Variants in SDC2 observed in about 807,000 individuals in gnomAD.
SDC2 encodes the protein syndecan-2.
Under a neutral mutation model 22.2 loss-of-function variants are expected in SDC2, and 13 were observed. The ratio of observed to expected loss-of-function variants is 0.59; its 90% CI spans 0.38 to 0.93. The LOEUF (loss-of-function observed/expected upper bound fraction) is 0.93. Among genes scored for constraint, SDC2 ranks in the 40% least tolerant of loss-of-function variants. SDC2 has a pLI of 0.00. For missense variants in SDC2, 235 were observed against 246.8 expected (o/e 0.95, Z 0.32); for synonymous variants, 94 against 92.8 (o/e 1.01, Z -0.07).
intron 1 of SDC2, among the ~76,000 whole-genome samples, chr8:96,498,197 G>T (rs1813103673): frequency 6.6e-6 from 1 of 152,092 alleles, no homozygotes; most frequent in South Asian, 2.1e-4. Context: ...ATACCTACTA[G>T]GTGCTTGAGG....
intron 1 of SDC2, among the ~76,000 whole-genome samples, chr8:96,554,155 G>A (rs1459888890): frequency 6.6e-6 from 1 of 152,080 alleles, no homozygotes; most frequent in Non-Finnish European, 1.5e-5. Flanking sequence ...GTATAATAAA[G>A]TAATTGATAA....
At chr8:96,538,943 A>C (rs914209922) in intron 1 of SDC2, 1 of 152,244 alleles carries the variant, frequency 6.6e-6, no homozygotes, top group Non-Finnish European at 1.5e-5. Flanking sequence ...AAGTCTTAGG[A>C]AAGGCAGTAA....
At chr8:96,514,009 A>G (rs920536667) in intron 1 of SDC2, among the ~76,000 whole-genome samples, 5 of 152,180 alleles carry the variant, frequency 3.3e-5, no homozygotes, top group Non-Finnish European at 7.4e-5. Flanking sequence ...AACTTAAACT[A>G]TATTTTATTT....
intron 1 of SDC2, among the ~76,000 whole-genome samples, chr8:96,521,708 G>A (rs1287462195): frequency 5.3e-5 from 8 of 152,174 alleles, no homozygotes; most frequent in Non-Finnish European, 1.2e-4. Context: ...CTTTGCGGTT[G>A]TAACAAGATC....
intron 1 of SDC2, among the ~76,000 whole-genome samples, chr8:96,505,732 G>A (rs550960103): frequency 6.6e-6 from 1 of 152,282 alleles, no homozygotes; most frequent in South Asian, 2.1e-4. Flanking sequence ...ATTTGATTAG[G>A]TATTGTGATT....
chr8:96,573,617 T>C (rs1007337015), intron 1 of SDC2, among the ~76,000 whole-genome samples: 3 of 152,100 alleles, frequency 2.0e-5, no homozygotes, highest in Admixed American at 6.5e-5. Flanking sequence ...TGGCAAGACC[T>C]GTAGATTTTA....
chr8:96,494,220 C>T lies in SDC2; in HGVS notation c.-52C>T, dbSNP rs1813009927. ...GCGCCGAGCGCTGGGCAGGAGGCTT[C>T]GTTTTGCCCTGGTTGCAAGCAGCGG... is the stretch of plus-strand genomic sequence containing the variant. On this transcript the variant is annotated 5_prime_UTR_variant, in exon 1 of 5. Transcript: ENST00000302190. 4.6e-6 allele frequency: 7 copies of T among 1,525,086 alleles called. No homozygotes were observed. Among genetic ancestry groups the T allele is most frequent in the East Asian group, 2.5e-5 (1 of 40,640 alleles). The allele number at this position is 1,525,086 out of a possible 1,614,324, so 94.5% of individuals were successfully genotyped here. A position where few individuals can be genotyped will look rare whatever the true frequency, so the allele number is the denominator to read the frequency against.
At chr8:96,540,106 T>C (rs530520884) in intron 1 of SDC2, among the ~76,000 whole-genome samples, 202 of 151,836 alleles carry the variant, frequency 1.3e-3, no homozygotes, top group Non-Finnish European at 1.8e-3. Context: ...ATGAAAATCA[T>C]CTATGATTAT....
intron 1 of SDC2, among the ~76,000 whole-genome samples, chr8:96,523,604 G>C (rs995211653): frequency 3.3e-5 from 5 of 152,184 alleles, no homozygotes; most frequent in Non-Finnish European, 7.3e-5. Flanking sequence ...GGAGGTGGCT[G>C]TGGGACTGCT....
In SDC2 at chr8:96,494,229, C is replaced by T. The variant is rs374632641; in HGVS notation, c.-43C>T. On this transcript the variant is annotated 5_prime_UTR_variant, in exon 1 of 5. Transcript: ENST00000302190. ...GCTGGGCAGGAGGCTTCGTTTTGCC[C>T]TGGTTGCAAGCAGCGGCTGGGAGCA... 5.0e-5 allele frequency: 77 copies of T among 1,536,864 alleles called. No homozygotes were observed. The highest frequency in any genetic ancestry group is 3.5e-4 in the Middle Eastern group (2 of 5,778).
intron 1 of SDC2, among the ~76,000 whole-genome samples, chr8:96,524,487 A>C (rs948526105): frequency 2.6e-5 from 4 of 152,158 alleles, no homozygotes; most frequent in Non-Finnish European, 5.9e-5. Flanking sequence ...GTCAGAACTA[A>C]TTTCAGTTAT....
intron 1 of SDC2, 88 bp from the exon 2 acceptor site, chr8:96,593,392 T>C: frequency 1.2e-6 from 1 of 806,222 alleles, no homozygotes; most frequent in East Asian, 2.6e-5. Context: ...GGAGGGGTAG[T>C]CACTGCAGTA....
chr8:96,544,772 C>CT (rs1372705888), intron 1 of SDC2, among the ~76,000 whole-genome samples: 7 of 152,142 alleles, frequency 4.6e-5, no homozygotes, highest in Non-Finnish European at 1.0e-4. Context: ...TACACCCACT[C>CT]ATAAGATATG....
intron 1 of SDC2, among the ~76,000 whole-genome samples, chr8:96,530,627 C>CTT (rs1197330127): frequency 6.6e-6 from 1 of 152,138 alleles, no homozygotes; most frequent in African/African-American, 2.4e-5. Context: ...GAGTAAAACT[C>CTT]TGTCTAAAAC....
intron 1 of SDC2, among the ~76,000 whole-genome samples, chr8:96,580,048 CT>C (rs1253173533): frequency 6.6e-6 from 1 of 152,146 alleles, no homozygotes; most frequent in Non-Finnish European, 1.5e-5. Flanking sequence ...AAAGAACAAT[CT>C]GTATTAAAAA....
At chr8:96,525,790 A>T (rs535944390) in intron 1 of SDC2, among the ~76,000 whole-genome samples, 25 of 152,290 alleles carry the variant, frequency 1.6e-4, no homozygotes, top group Admixed American at 4.6e-4. Flanking sequence ...GTTTCTCCAC[A>T]TATAAAATCA....
intron 1 of SDC2, among the ~76,000 whole-genome samples, chr8:96,562,783 A>G (rs147094654): frequency 1.3e-5 from 2 of 152,198 alleles, no homozygotes; most frequent in African/African-American, 2.4e-5. Context: ...AAATTGCCCC[A>G]TTTCTGTTCC....
At chr8:96,550,167 G>T (rs906623820) in intron 1 of SDC2, among the ~76,000 whole-genome samples, 2 of 152,082 alleles carry the variant, frequency 1.3e-5, no homozygotes, top group Non-Finnish European at 2.9e-5. Context: ...AAACAGGGTG[G>T]TTTTCCTAGC....
chr8:96,540,355 T>TATATATATATATATAA (rs1273342675), intron 1 of SDC2, among the ~76,000 whole-genome samples: 4 of 147,154 alleles, frequency 2.7e-5, no homozygotes, highest in East Asian at 2.0e-4. Context: ...TATATATATA[T>TATATATATATATATAA]AAAAATTAGT....
Sources: allele counts gnomAD v4.1 joint callset (sites outside exome capture counted in the v4.1 genomes callset), GRCh38; gene constraint gnomAD v4.1.1; transcripts MANE v1.5; gene names NCBI Gene and HGNC (gene_info 2026-07-23, HGNC 2026-07-21).